SPECC1L: variants seen among roughly 807,000 people sequenced by gnomAD.
SPECC1L encodes cytospin-A.
Under a neutral mutation model 116.8 loss-of-function variants are expected in SPECC1L, and 40 were observed. That is an observed-to-expected ratio of 0.34 (90% CI 0.27 to 0.45). The LOEUF (loss-of-function observed/expected upper bound fraction) is 0.45, where lower values mean the gene tolerates loss of function less well. Among genes scored for constraint, SPECC1L ranks in the 20% least tolerant of loss-of-function variants. The pLI, the probability that SPECC1L is intolerant of heterozygous loss-of-function variation, is 1.00. For missense variants in SPECC1L, 1,110 were observed against 1,373.6 expected, an observed-to-expected ratio of 0.81 and a Z score of 3.03; for synonymous variants, 504 against 500.6, an observed-to-expected ratio of 1.01 and a Z score of -0.09.
intron 11 of SPECC1L, among the ~76,000 whole-genome samples, chr22:24,355,917 C>T (rs1380788626): frequency 6.6e-6 from 1 of 151,078 alleles, no homozygotes; most frequent in Non-Finnish European, 1.5e-5. Context: ...TGTCTGTCAT[C>T]ATAGTTACAC....
chr22:24,302,059 AAT>A, intron 2 of SPECC1L, 134 bp from the exon 3 acceptor site: 22 of 702,822 alleles, frequency 3.1e-5, no homozygotes, highest in African/African-American at 7.3e-5. Flanking sequence ...AAAAAAAAAA[AAT>A]TTTTTTTCAA....
At chr22:24,382,410 T>C in intron 14 of SPECC1L, among the ~76,000 whole-genome samples, 1 of 151,772 alleles carries the variant, frequency 6.6e-6, no homozygotes, top group East Asian at 1.9e-4. Context: ...GAAGACAACC[T>C]CAAGAGTAAT....
At chr22:24,276,450 G>A (rs1389823539) in intron 1 of SPECC1L, among the ~76,000 whole-genome samples, 1 of 151,940 alleles carries the variant, frequency 6.6e-6, no homozygotes, top group Non-Finnish European at 1.5e-5. Flanking sequence ...AAACATACTG[G>A]TGGCATTGTC....
At chr22:24,390,756 C>T (rs747069371) in intron 14 of SPECC1L, among the ~76,000 whole-genome samples, 2 of 150,650 alleles carry the variant, frequency 1.3e-5, no homozygotes, top group Admixed American at 6.6e-5. Flanking sequence ...ATCTTCATCC[C>T]GAAGGCTCAG....
At chr22:24,298,854 C>T (rs536541680) in intron 2 of SPECC1L, among the ~76,000 whole-genome samples, 62 of 152,346 alleles carry the variant, frequency 4.1e-4, no homozygotes, top group African/African-American at 1.4e-3. Context: ...AACACCCTCA[C>T]AGAAACACGC....
In SPECC1L at chr22:24,415,909, G is replaced by C. The variant is rs975917100; in HGVS notation, c.*1286G>C. 1.2e-4 allele frequency: 19 copies of C among 152,222 alleles called. No homozygotes were observed. The highest frequency in any genetic ancestry group is 4.3e-4 in the African/African-American group (18 of 41,422). 9.4% of individuals were successfully genotyped at this position (152,222 alleles called of 1,614,324 possible). ...CTATTTTTGGGAATAGGGATCTCCC[G>C]TGTGCCTAACGCAGTAGCTATTGGT... On this transcript the variant is annotated 3_prime_UTR_variant, in exon 17 of 17. Transcript: ENST00000314328.
At chr22:24,296,164 G>T (rs5760319) in intron 2 of SPECC1L, among the ~76,000 whole-genome samples, 2 of 152,088 alleles carry the variant, frequency 1.3e-5, no homozygotes, top group African/African-American at 4.8e-5. Context: ...AATTCAGACC[G>T]TTGTTCCTCA....
At chr22:24,392,057 A>G (rs890442056) in intron 14 of SPECC1L, among the ~76,000 whole-genome samples, 1 of 152,194 alleles carries the variant, frequency 6.6e-6, no homozygotes. Flanking sequence ...CAGGGCTTCC[A>G]TTTCACATCT....
At chr22:24,390,317 T>C (rs779370445) in intron 14 of SPECC1L, among the ~76,000 whole-genome samples, 40 of 152,118 alleles carry the variant, frequency 2.6e-4, no homozygotes, top group Admixed American at 7.2e-4. Flanking sequence ...TGGGAGTTCT[T>C]CCAGTAGACA....
At position 24,369,340 on chromosome 22, in the gene SPECC1L, G is replaced by C; in HGVS notation, c.3087+20G>C. On this transcript the variant is annotated intron_variant, in intron 14 of 16. Transcript: ENST00000314328. ...TATCAGGTAATCATATGATTCTTTTGTCCCATGTGAGTAATTGGCAAACCA... is the reference window on the plus strand; with the variant it reads ...TATCAGGTAATCATATGATTCTTTTCTCCCATGTGAGTAATTGGCAAACCA... 6.3e-7 allele frequency: 1 copy of C among 1,586,874 alleles called. No homozygotes were observed. The highest frequency in any genetic ancestry group is 8.7e-7 in the Non-Finnish European group (1 of 1,155,284).
intron 12 of SPECC1L, among the ~76,000 whole-genome samples, chr22:24,364,661 CAA>C (rs57580257): frequency 0.031 from 3,314 of 105,370 alleles, 114 homozygotes; most frequent in South Asian, 0.14. Flanking sequence ...GACTCCCTCT[CAA>C]AAAAAAAAAA....
intron 11 of SPECC1L, among the ~76,000 whole-genome samples, chr22:24,349,496 C>T (rs190167886): frequency 1.9e-4 from 29 of 152,294 alleles, no homozygotes; most frequent in Admixed American, 4.6e-4. Context: ...TTGCATCTCT[C>T]GCCTGTTCTT....
chr22:24,283,728 C>G (rs1426137277), intron 2 of SPECC1L, among the ~76,000 whole-genome samples: 1 of 152,176 alleles, frequency 6.6e-6, no homozygotes, highest in South Asian at 2.1e-4. Context: ...AAGTTTTTAA[C>G]TACAAATCCA....
chr22:24,401,004 C>T (rs567889541), intron 14 of SPECC1L, among the ~76,000 whole-genome samples: 197 of 152,290 alleles, frequency 1.3e-3, no homozygotes, highest in African/African-American at 4.5e-3. Flanking sequence ...AAACAACCCT[C>T]CTGTACATAG....
chr22:24,408,417 A>T (rs778140878), intron 14 of SPECC1L, among the ~76,000 whole-genome samples: 1 of 152,346 alleles, frequency 6.6e-6, no homozygotes, highest in Non-Finnish European at 1.5e-5. Context: ...TACCCTCAGG[A>T]CTGCATCTTC....
At chr22:24,388,989 C>G (rs1184047976) in intron 14 of SPECC1L, among the ~76,000 whole-genome samples, 2 of 152,122 alleles carry the variant, frequency 1.3e-5, no homozygotes, top group East Asian at 1.9e-4. Context: ...TTTGCCTGTC[C>G]CAGACATTTC....
At chr22:24,408,656 A>T (rs919676376) in intron 14 of SPECC1L, among the ~76,000 whole-genome samples, 1 of 152,258 alleles carries the variant, frequency 6.6e-6, no homozygotes, top group African/African-American at 2.4e-5. Context: ...ACAGCAGTTT[A>T]TAACAATATC....
At chr22:24,345,996 C>A (rs565065687) in intron 10 of SPECC1L, among the ~76,000 whole-genome samples, 48 of 149,900 alleles carry the variant, frequency 3.2e-4, no homozygotes, top group African/African-American at 9.8e-5. Context: ...ATGGTGGATT[C>A]TTTCTGTTTT....
At chr22:24,398,977 T>A (rs955646183) in intron 14 of SPECC1L, among the ~76,000 whole-genome samples, 1 of 152,194 alleles carries the variant, frequency 6.6e-6, no homozygotes, top group African/African-American at 2.4e-5. Context: ...AAAGCTAAAC[T>A]AAATCTGTGG....
Sources: allele counts gnomAD v4.1 joint callset (sites outside exome capture counted in the v4.1 genomes callset), GRCh38; gene constraint gnomAD v4.1.1; transcripts MANE v1.5; gene names NCBI Gene and HGNC (gene_info 2026-07-23, HGNC 2026-07-21).